The following EXPH5 variants were observed in gnomAD, a reference collection of about 807,000 sequenced individuals.
The protein encoded by EXPH5 is exophilin 5, also known as exophilin-5.
A neutral mutation model predicts 41.1 loss-of-function variants in EXPH5; 42 were observed. The observed-to-expected ratio is 1.02, with a 90% confidence interval of 0.80 to 1.32. The LOEUF is 1.32. Ranked by LOEUF, EXPH5 falls within the 40% of genes most tolerant of loss-of-function variation. EXPH5 has a pLI of 0.00. For synonymous variants in EXPH5, 798 were observed against 833.5 expected, an observed-to-expected ratio of 0.96 and a Z score of 0.73; for missense variants, 2,298 against 2,314.5, an observed-to-expected ratio of 0.99 and a Z score of 0.15.
intron 1 of EXPH5, among the ~76,000 whole-genome samples, chr11:108,553,049 T>A (rs987816116): frequency 6.6e-6 from 1 of 151,856 alleles, no homozygotes; most frequent in Non-Finnish European, 1.5e-5. Context: ...TACAAAAAAA[T>A]TAGCCATGTG....
chr11:108,575,864 CT>C (rs2094078019), intron 1 of EXPH5, among the ~76,000 whole-genome samples: 2 of 152,122 alleles, frequency 1.3e-5, no homozygotes. Flanking sequence ...GTTCCAGCTA[CT>C]CGGGTGGTTG....
chr11:108,562,265 G>GTGTTTTTTTTT (rs1555197205), intron 1 of EXPH5, among the ~76,000 whole-genome samples: 1 of 104,602 alleles, frequency 9.6e-6, no homozygotes. Context: ...TTTTTTCTGT[G>GTGTTTTTTTTT]TTTTTTTTTT....
At chr11:108,562,162 G>T (rs2094014628) in intron 1 of EXPH5, among the ~76,000 whole-genome samples, 1 of 151,838 alleles carries the variant, frequency 6.6e-6, no homozygotes, top group Non-Finnish European at 1.5e-5. Context: ...TAAGCAGCAT[G>T]TAGGAATTTG....
At chr11:108,571,065 G>A (rs1410457652) in intron 1 of EXPH5, among the ~76,000 whole-genome samples, 4 of 152,206 alleles carry the variant, frequency 2.6e-5, no homozygotes, top group Non-Finnish European at 4.4e-5. Flanking sequence ...GGAAGTCTAA[G>A]GAAGAAGCTG....
rs377592796 is a variant in EXPH5 at position 108,513,807 on chromosome 11, T to G, written c.1700A>C (p.His567Pro). ...AGGAGTCAACTGGGTCTCATTACCA[T>G]GTGATACCACCATGCTATCCAGTGT... ...RSTLDSMVVSHGNETQLTPHF... is the reference protein window; with the variant it reads ...RSTLDSMVVSPGNETQLTPHF... The change falls in exon 6 of 6, where the codon CAT becomes CCT. Residue 567 changes from histidine (H) to proline (P), a missense_variant. His to Pro is a moderately conservative substitution (Grantham distance 77). Transcript: ENST00000265843. 6.2e-7 allele frequency: 1 copy of G among 1,601,780 alleles called. No individual in the cohort carries two copies. Among genetic ancestry groups the G allele is most frequent in the African/African-American group, 1.3e-5 (1 of 74,462 alleles).
intron 1 of EXPH5, among the ~76,000 whole-genome samples, chr11:108,570,942 T>A (rs1438071608): frequency 6.6e-6 from 1 of 152,246 alleles, no homozygotes; most frequent in African/African-American, 2.4e-5. Flanking sequence ...ACGTGCAAGT[T>A]GTTTTTAAGA....
intron 3 of EXPH5, among the ~76,000 whole-genome samples, chr11:108,531,018 T>C (rs1451981851): frequency 3.3e-5 from 5 of 152,170 alleles, no homozygotes; most frequent in Middle Eastern, 3.2e-3. Context: ...TCATGAAAAC[T>C]ATGCTGGTAA....
the EXPH5 span, among the ~76,000 whole-genome samples, chr11:108,602,274 A>G: frequency 3.9e-5 from 6 of 152,122 alleles, no homozygotes; most frequent in African/African-American, 1.4e-4. Flanking sequence ...CATTCAACAG[A>G]TATTTATTAG....
At position 108,538,249 on chromosome 11, in the gene EXPH5, T is replaced by C. The variant is rs988944072; in HGVS notation, c.443+775A>G. 1.2e-5 allele frequency: 12 copies of C among 985,288 alleles called. No individual in the cohort carries two copies. The African/African-American group carries it at 1.9e-4, about 16-fold the overall frequency. The allele number at this position is 985,288 out of a possible 1,614,324, so 61.0% of individuals were successfully genotyped here. On this transcript the variant is annotated intron_variant, in intron 3 of 5. Coordinates refer to ENST00000265843, the MANE Select transcript of EXPH5 (RefSeq NM_015065.3). Reference sequence around the variant, plus strand: ...GTGTGGTTTGACGGCACGCGGAACATATCACGTGCCAAGCCAACACCTTAA... The same window carrying C: ...GTGTGGTTTGACGGCACGCGGAACACATCACGTGCCAAGCCAACACCTTAA...
intron 1 of EXPH5, among the ~76,000 whole-genome samples, chr11:108,592,641 C>T (rs1424027222): frequency 1.3e-5 from 2 of 152,168 alleles, no homozygotes; most frequent in Admixed American, 1.3e-4. Context: ...TAATGTACAT[C>T]CTGGGTAATT....
chr11:108,516,071 C>CAAA (rs35633613), intron 5 of EXPH5, among the ~76,000 whole-genome samples: 10 of 84,910 alleles, frequency 1.2e-4, no homozygotes, highest in Non-Finnish European at 1.7e-4. Context: ...GACTCCGTCT[C>CAAA]AAAAAAAAAA....
chr11:108,569,367 C>A (rs987109308), intron 1 of EXPH5, among the ~76,000 whole-genome samples: 1 of 152,058 alleles, frequency 6.6e-6, no homozygotes, highest in African/African-American at 2.4e-5. Flanking sequence ...GGAGACAGAG[C>A]CTCTCTCTGT....
intron 3 of EXPH5, among the ~76,000 whole-genome samples, chr11:108,530,432 C>A (rs2093829948): frequency 6.6e-6 from 1 of 152,114 alleles, no homozygotes; most frequent in African/African-American, 2.4e-5. Flanking sequence ...GCATAGGGGC[C>A]AGCAAGCACT....
Position 108,510,960 on chromosome 11 carries a change from T to G in EXPH5, c.4547A>C (p.Lys1516Thr). The change falls in exon 6 of 6, where the codon AAA becomes ACA. Residue 1516 changes from lysine to threonine, a missense_variant. By Grantham distance (78) the Lys-to-Thr change is moderately conservative. Transcript: ENST00000265843. Reference sequence around the variant, plus strand: ...CTGAGTCTCCTCACCAAGCTGTAGTTTATGCAATGCTGGAGTAAGGGCAAA... The same window carrying G: ...CTGAGTCTCCTCACCAAGCTGTAGTGTATGCAATGCTGGAGTAAGGGCAAA... ...QVFALTPALH[K>T]LQLGEETQSD... 3.1e-6 allele frequency: 5 copies of G among 1,614,132 alleles called. No homozygotes were observed. Among genetic ancestry groups the G allele is most frequent in the Non-Finnish European group, 4.2e-6 (5 of 1,180,002 alleles).
At chr11:108,573,139 G>GGAAGGAAAGAAA (rs1555198960) in intron 1 of EXPH5, among the ~76,000 whole-genome samples, 12 of 90,508 alleles carry the variant, frequency 1.3e-4, no homozygotes, top group African/African-American at 4.4e-4. Context: ...AAGGAAAGAA[G>GGAAGGAAAGAAA]GAAAGAAAGA....
At chr11:108,540,639 T>C (rs1431850750) in intron 2 of EXPH5, among the ~76,000 whole-genome samples, 1 of 152,206 alleles carries the variant, frequency 6.6e-6, no homozygotes, top group African/African-American at 2.4e-5. Flanking sequence ...TATTTTATAG[T>C]TTCTAGTGCA....
At chr11:108,537,104 G>A (rs2093884679) in intron 3 of EXPH5, among the ~76,000 whole-genome samples, 1 of 152,128 alleles carries the variant, frequency 6.6e-6, no homozygotes, top group Non-Finnish European at 1.5e-5. Context: ...AGAAAGTTAG[G>A]TTCTACCTGA....
chr11:108,603,984 G>A, the EXPH5 span, among the ~76,000 whole-genome samples: 10 of 152,262 alleles, frequency 6.6e-5, no homozygotes, highest in African/African-American at 2.2e-4. Context: ...TGTTATTCAC[G>A]AGTTGATATT....
At chr11:108,598,715 G>A (rs1370223827), upstream of EXPH5, among the ~76,000 whole-genome samples, 1 of 152,126 alleles carries the variant, frequency 6.6e-6, no homozygotes, top group African/African-American at 2.4e-5. Flanking sequence ...TGCTGAGGCA[G>A]GAGAGAGATT....
Sources: allele counts gnomAD v4.1 joint callset (sites outside exome capture counted in the v4.1 genomes callset), GRCh38; gene constraint gnomAD v4.1.1; transcripts MANE v1.5; gene names NCBI Gene and HGNC (gene_info 2026-07-23, HGNC 2026-07-21).